IMMP2L: variants seen among roughly 807,000 people sequenced by gnomAD.
IMMP2L encodes inner mitochondrial membrane peptidase subunit 2.
IMMP2L carries 18 observed loss-of-function variants against 19.3 expected under a neutral mutation model. The ratio of observed to expected loss-of-function variants is 0.93; its 90% CI spans 0.64 to 1.38. The LOEUF (loss-of-function observed/expected upper bound fraction) is 1.38. IMMP2L is among the 40% of genes most tolerant of loss of function. The probability of loss-of-function intolerance (pLI) is 0.00; values close to 1 mark genes in which losing one functional copy is unlikely to be tolerated. For missense variants in IMMP2L, 233 were observed against 218.2 expected (o/e 1.07, Z -0.43); for synonymous variants, 76 against 73.0 (o/e 1.04, Z -0.21).
rs1211764786 is a variant in IMMP2L, at chr7:110,752,551, T to C, written c.409-88830A>G. Among the ~76,000 whole-genome samples the C allele has an allele frequency of 3.9e-5, 6 of 152,058 alleles. No individual in the cohort carries two copies. In the East Asian group the frequency reaches 1.2e-3, roughly 29 times the overall value. On this transcript the variant is annotated intron_variant, in intron 5 of 5. Coordinates refer to ENST00000405709, the MANE Select transcript of IMMP2L (RefSeq NM_032549.4). The stretch of plus-strand genomic sequence containing the variant: ...CACTGGGACACTCACTCTATTGTTT[T>C]CAAGTCTAGTATTCCAGGGTCTTTG...
In IMMP2L at chr7:110,963,483, C is replaced by A. The variant is rs768962384; in HGVS notation, c.305+17G>T. The A allele has an allele frequency of 3.9e-6, 6 of 1,541,330 alleles. No homozygotes were observed. The Admixed American group carries it at 1.1e-4, about 27-fold the overall frequency. ...GATATTTAAAACTTGAACTCAGAAA[C>A]AACAGTAAATACTTACCTGACAATA... On this transcript the variant is annotated intron_variant, in intron 4 of 5. Transcript: ENST00000405709.
intron 1 of IMMP2L, among the ~76,000 whole-genome samples, chr7:111,527,424 G>GGC (rs1554536866): frequency 1.7e-5 from 2 of 118,714 alleles, no homozygotes; most frequent in Admixed American, 1.6e-4. Flanking sequence ...CTCCAAAAAG[G>GGC]GGGGGGGGGT....
chr7:110,896,396 C>T (rs1280466509), intron 4 of IMMP2L, among the ~76,000 whole-genome samples: 1 of 152,056 alleles, frequency 6.6e-6, no homozygotes, highest in Non-Finnish European at 1.5e-5. Context: ...TGAATCATAT[C>T]ATTATTCTAT....
chr7:111,332,395 T>C (rs2130678790), intron 3 of IMMP2L, among the ~76,000 whole-genome samples: 1 of 152,072 alleles, frequency 6.6e-6, no homozygotes, highest in East Asian at 1.9e-4. Flanking sequence ...AAGAAAATCA[T>C]ATAAAATCAA....
At chr7:110,667,891 G>T (rs980736949) in intron 5 of IMMP2L, among the ~76,000 whole-genome samples, 1 of 152,120 alleles carries the variant, frequency 6.6e-6, no homozygotes, top group Non-Finnish European at 1.5e-5. Context: ...CACCCCATCC[G>T]CAATAGGTAA....
At chr7:110,909,707 T>A (rs2129548200) in intron 4 of IMMP2L, among the ~76,000 whole-genome samples, 1 of 152,208 alleles carries the variant, frequency 6.6e-6, no homozygotes, top group South Asian at 2.1e-4. Flanking sequence ...CACCTCCCTA[T>A]CCAACAACAA....
chr7:110,957,260 C>G (rs1818446693), intron 4 of IMMP2L, among the ~76,000 whole-genome samples: 1 of 151,920 alleles, frequency 6.6e-6, no homozygotes, highest in Non-Finnish European at 1.5e-5. Context: ...TGAAAGCCTA[C>G]TTTTTGCCTT....
chr7:111,396,732 C>T (rs1260516394), intron 3 of IMMP2L, among the ~76,000 whole-genome samples: 3 of 152,026 alleles, frequency 2.0e-5, no homozygotes, highest in Non-Finnish European at 4.4e-5. Flanking sequence ...ACTATCATAA[C>T]AATATACAAT....
chr7:110,725,421 A>T (rs1335883612), intron 5 of IMMP2L, among the ~76,000 whole-genome samples: 3 of 152,110 alleles, frequency 2.0e-5, no homozygotes, highest in Non-Finnish European at 4.4e-5. Flanking sequence ...TAGATGAAAG[A>T]TTTTATTAAT....
At chr7:110,868,117 T>TTGTGTGTGTGTGTGTGTGTGTGTG (rs71151813) in intron 5 of IMMP2L, among the ~76,000 whole-genome samples, 1,705 of 144,406 alleles carry the variant, frequency 0.012, 17 homozygotes, top group African/African-American at 0.033. Flanking sequence ...CTTGTGAGGT[T>TTGTGTGTGTGTGTGTGTGTGTGTG]TGTGTGTGTG....
intron 3 of IMMP2L, among the ~76,000 whole-genome samples, chr7:110,985,774 T>A (rs1585597535): frequency 6.6e-6 from 1 of 152,290 alleles, no homozygotes; most frequent in South Asian, 2.1e-4. Context: ...GACAAAGTTG[T>A]ATTTTATTTG....
chr7:111,018,129 A>G (rs1379970772), intron 3 of IMMP2L, among the ~76,000 whole-genome samples: 1 of 152,102 alleles, frequency 6.6e-6, no homozygotes, highest in African/African-American at 2.4e-5. Flanking sequence ...TATTATTTGA[A>G]CCCAGGTTAT....
intron 3 of IMMP2L, among the ~76,000 whole-genome samples, chr7:111,407,900 T>C (rs2131476671): frequency 6.6e-6 from 1 of 152,178 alleles, no homozygotes; most frequent in South Asian, 2.1e-4. Context: ...TACTACTCAC[T>C]GAAAATTTGC....
intron 1 of IMMP2L, among the ~76,000 whole-genome samples, chr7:111,553,617 CT>C (rs1790929894): frequency 6.6e-6 from 1 of 152,142 alleles, no homozygotes; most frequent in South Asian, 2.1e-4. Context: ...CAATAAGCAT[CT>C]GTGTAATTTT....
intron 3 of IMMP2L, among the ~76,000 whole-genome samples, chr7:111,452,655 C>A (rs1839312254): frequency 6.6e-6 from 1 of 152,096 alleles, no homozygotes; most frequent in Admixed American, 6.6e-5. Context: ...TGTTCCTCTG[C>A]CACTAAATCT....
intron 4 of IMMP2L, among the ~76,000 whole-genome samples, chr7:110,953,642 T>C (rs887743502): frequency 2.8e-4 from 43 of 152,156 alleles, no homozygotes; most frequent in African/African-American, 1.0e-3. Flanking sequence ...TGTGCATGTG[T>C]CTTTACAGTA....
chr7:111,281,271 A>G (rs866362344), intron 3 of IMMP2L, among the ~76,000 whole-genome samples: 4 of 146,958 alleles, frequency 2.7e-5, no homozygotes, highest in Admixed American at 2.0e-4. Context: ...GAGAGAGAGA[A>G]AGAAAGAGAA....
intron 3 of IMMP2L, among the ~76,000 whole-genome samples, chr7:111,297,848 T>C (rs994346010): frequency 2.6e-5 from 4 of 151,952 alleles, no homozygotes; most frequent in Non-Finnish European, 5.9e-5. Context: ...CAAAATCTAG[T>C]TTAGGAAAAA....
At chr7:111,096,427 C>A (rs893711990) in intron 3 of IMMP2L, among the ~76,000 whole-genome samples, 3 of 151,458 alleles carry the variant, frequency 2.0e-5, no homozygotes, top group Non-Finnish European at 2.9e-5. Flanking sequence ...CCATACCACA[C>A]TATATCTGGA....
Sources: allele counts gnomAD v4.1 joint callset (sites outside exome capture counted in the v4.1 genomes callset), GRCh38; gene constraint gnomAD v4.1.1; transcripts MANE v1.5; gene names NCBI Gene and HGNC (gene_info 2026-07-23, HGNC 2026-07-21).